Variants in ADAM11 observed in about 807,000 individuals in gnomAD.
ADAM11 encodes disintegrin and metalloproteinase domain-containing protein 11.
A neutral mutation model predicts 119.1 loss-of-function variants in ADAM11; 49 were observed. The observed-to-expected ratio is 0.41, with a 90% CI of 0.33 to 0.52. ADAM11 has a LOEUF of 0.52. ADAM11 is among the 20% of genes least tolerant of loss of function. The probability of loss-of-function intolerance (pLI) is 0.20; values close to 1 mark genes in which losing one functional copy is unlikely to be tolerated. For synonymous variants in ADAM11, 364 were observed against 408.0 expected (o/e 0.89, Z 1.30); for missense variants, 777 against 1,047.5 (o/e 0.74, Z 3.56).
chr17:44,762,638 G>A (rs2049403001), intron 2 of ADAM11, among the ~76,000 whole-genome samples: 1 of 152,152 alleles, frequency 6.6e-6, no homozygotes, highest in Non-Finnish European at 1.5e-5. Context: ...GGCCTGGGGC[G>A]CTGAGCTGCT....
rs142344910 is a variant in ADAM11, at chr17:44,763,269, T to G, written c.237+3372T>G. ...CAGCTCCCAGAGGTGGGGCTGTTAT[T>G]CCCATCTCGCAGATGGAGAAACAGG... On this transcript the variant is annotated intron_variant, in intron 2 of 26. Transcript: ENST00000200557. 8.5e-3 allele frequency among the ~76,000 whole-genome samples: 1,294 copies of G among 152,320 alleles called. 6 individuals carry two copies. The highest frequency in any genetic ancestry group is 0.014 in the Non-Finnish European group (972 of 68,022).
intron 6 of ADAM11, 51 bp downstream of exon 6, chr17:44,771,882 T>C (rs1158112188): frequency 1.3e-6 from 2 of 1,569,466 alleles, no homozygotes; most frequent in Admixed American, 1.8e-5. Flanking sequence ...CTGCCAAGCT[T>C]GTCCCAACAG....
rs2049656086 is a variant in ADAM11 at position 44,779,232 on chromosome 17, C to T, written c.2287C>T (p.Arg763Ter). 2.5e-6 allele frequency: 4 copies of T among 1,584,134 alleles called. No homozygotes were observed. Among genetic ancestry groups the T allele is most frequent in the South Asian group, 1.1e-5 (1 of 87,642 alleles). Residue 763 changes from arginine to a stop codon, truncating the protein, a stop_gained, in exon 26 of 27, where the codon CGA becomes TGA. Transcript: ENST00000200557. LOFTEE classifies it high-confidence loss of function. Reference sequence around the variant, plus strand: ...ATCCTCCCCCTGCAGAAACATTCGCCGAGGAAGGTACGACCCGACCCAGCA... The same window carrying T: ...ATCCTCCCCCTGCAGAAACATTCGCTGAGGAAGGTACGACCCGACCCAGCA... The part of the protein sequence containing the change: ...GTGWGFKNIR[R>*]GRSGGA
rs1174479259 is a variant in ADAM11 at position 44,772,987 on chromosome 17, C to T, written c.754-27C>T. ...ACTGGGAGGCCCCTGAGGAGCCTGG[C>T]CCTCCTCCCATTCTTCTCTCTCCCA... On this transcript the variant is annotated intron_variant, in intron 9 of 26. Transcript: ENST00000200557. This position sits in a 1 kb window ranked among gnomAD's most constrained non-coding sequence, Gnocchi z 4.5. 6.2e-7 allele frequency: 1 copy of T among 1,613,846 alleles called. No homozygotes were observed. The highest frequency in any genetic ancestry group is 8.5e-7 in the Non-Finnish European group (1 of 1,179,812).
rs2049676318 is a variant in ADAM11, at chr17:44,780,358, CAG to C, written c.*605_*606del. The C allele has an allele frequency of 1.7e-5, 6 of 346,258 alleles. No homozygotes were observed. Among genetic ancestry groups the C allele is most frequent in the South Asian group, 1.4e-4 (6 of 44,204 alleles). The allele number at this position is 346,258 out of a possible 1,614,324, so 21.4% of individuals were successfully genotyped here. A position where few individuals can be genotyped will look rare whatever the true frequency, so the allele number is the denominator to read the frequency against. On this transcript the variant is annotated 3_prime_UTR_variant, in exon 27 of 27. Transcript: ENST00000200557. The stretch of plus-strand genomic sequence containing the variant: ...CCGAAGTCCTGTCACTGAGCACAGT[CAG>C]GGGCTGGGCATCCCAGCTTGCCCCC...
chr17:44,764,120 A>C (rs1359904360), intron 2 of ADAM11, among the ~76,000 whole-genome samples: 5 of 152,120 alleles, frequency 3.3e-5, no homozygotes, highest in Admixed American at 3.3e-4. Flanking sequence ...GGACATGGGG[A>C]GGTGACTAGG....
Position 44,774,338 on chromosome 17 carries a change from G to A in ADAM11, c.1036G>A (p.Gly346Arg). Residue 346 changes from glycine (G) to arginine (R), a missense_variant, in exon 12 of 27, where the codon GGG (glycine) becomes AGG (arginine). Physicochemically the swap from Gly to Arg is moderately radical, Grantham distance 125. This residue lies in a region of ADAM11 where 147 missense variants were observed against 223.3 expected (regional missense o/e 0.66). Coordinates refer to ENST00000200557, the MANE Select transcript of ADAM11 (RefSeq NM_002390.6). Reference sequence around the variant, plus strand: ...CACGAGCAGCGGGGCAGCCTACGTGGGGGGCATATGCTCCCTGTCCCACGG... The same window carrying A: ...CACGAGCAGCGGGGCAGCCTACGTGAGGGGCATATGCTCCCTGTCCCACGG... ...QSTSSGAAYV[G>R]GICSLSHGGG... The A allele has an allele frequency of 6.7e-7, 1 of 1,481,814 alleles. No homozygotes were observed. The highest frequency in any genetic ancestry group is 1.4e-5 in the African/African-American group (1 of 71,328). 91.8% of individuals were successfully genotyped at this position (1,481,814 alleles called of 1,614,324 possible). A position where few individuals can be genotyped will look rare whatever the true frequency, so the allele number is the denominator to read the frequency against.
Position 44,759,186 on chromosome 17 carries a change from G to A in ADAM11, c.-14G>A. 2 of 1,355,226 alleles carry A rather than the reference G, an allele frequency of 1.5e-6. No individual in the cohort carries two copies. The highest frequency in any genetic ancestry group is 2.7e-4 in the Middle Eastern group (1 of 3,678). 84.0% of individuals were successfully genotyped at this position (1,355,226 alleles called of 1,614,324 possible). ...GGCAGCCGCAGCCCCCGGACCGGGA[G>A]GAATGAGCGAGCCATGAGGCTGCTG... On this transcript the variant is annotated 5_prime_UTR_variant, in exon 1 of 27. Coordinates refer to ENST00000200557, the MANE Select transcript of ADAM11 (RefSeq NM_002390.6).
chr17:44,776,643 GCC>G lies in ADAM11; in HGVS notation c.1567-98_1567-97del. 7.1e-7 allele frequency: 1 copy of G among 1,408,184 alleles called. No individual in the cohort carries two copies. The highest frequency in any genetic ancestry group is 9.8e-7 in the Non-Finnish European group (1 of 1,025,276). The allele number at this position is 1,408,184 out of a possible 1,614,324, so 87.2% of individuals were successfully genotyped here. On this transcript the variant is annotated intron_variant, in intron 18 of 26. Transcript: ENST00000200557. This position sits in a 1 kb window ranked among gnomAD's most constrained non-coding sequence, Gnocchi z 5.2. ...GGCGTGGAAGAGCCCTGTGGCATGA[GCC>G]CCCAATGGGGGGCACTTGGTACCCC...
chr17:44,778,026 G>A lies in ADAM11; in HGVS notation c.2145G>A (p.Leu715=). ...AAGACTGCAGTATCCATAACCCCCT[G>A]CCCACGTCCCCACCCACGGGGGAGA... ...TGKDCSIHNP[L]PTSPPTGETE... is the part of the protein sequence containing the mutation. Residue 715 remains leucine, a synonymous_variant, in exon 24 of 27, where the codon CTG becomes CTA. Coordinates refer to ENST00000200557, the MANE Select transcript of ADAM11 (RefSeq NM_002390.6). 5.0e-6 allele frequency: 8 copies of A among 1,613,900 alleles called. No homozygotes were observed. The highest frequency in any genetic ancestry group is 6.8e-6 in the Non-Finnish European group (8 of 1,179,924).
chr17:44,779,711 C>T (rs778741806), intron 26 of ADAM11, 28 bp from the exon 27 acceptor site: 432 of 1,588,348 alleles, frequency 2.7e-4, no homozygotes, highest in Non-Finnish European at 3.5e-4. Context: ...TGCTCACGTC[C>T]TCCCCTGATG....
At position 44,777,613 on chromosome 17, in the gene ADAM11, G is replaced by A. The variant is rs769551370; in HGVS notation, c.1901+12G>A. 6.8e-6 allele frequency: 11 copies of A among 1,614,114 alleles called. No individual in the cohort carries two copies. Among genetic ancestry groups the A allele is most frequent in the Non-Finnish European group, 8.5e-6 (10 of 1,180,006 alleles). The stretch of plus-strand genomic sequence containing the variant: ...GAGCTGGACTGCAGGTGCTGGCCAG[G>A]ACCAAGACTAGGGAGGGGAGGTTGC... On this transcript the variant is annotated intron_variant, in intron 22 of 26. Coordinates refer to ENST00000200557, the MANE Select transcript of ADAM11 (RefSeq NM_002390.6). This position sits in a 1 kb window ranked among gnomAD's most constrained non-coding sequence, Gnocchi z 5.1.
Position 44,770,020 on chromosome 17 carries a change from G to C in ADAM11, c.353G>C (p.Ser118Thr), listed in dbSNP as rs149878579. ...TCGCAATACGTGGAGCGCCACTTCA[G>C]CCGGGAGGGGACAACCCAGCACAGC... ...LSSQYVERHFSREGTTQHSTG... is the reference protein window; with the variant it reads ...LSSQYVERHFTREGTTQHSTG... Residue 118 changes from serine (S) to threonine (T), a missense_variant, in exon 4 of 27, where the codon AGC becomes ACC. Ser to Thr is a moderately conservative substitution (Grantham distance 58). Coordinates refer to ENST00000200557, the MANE Select transcript of ADAM11 (RefSeq NM_002390.6). 263 of 1,614,116 alleles carry C rather than the reference G, an allele frequency of 1.6e-4. No homozygotes were observed. In the African/African-American group the frequency reaches 3.0e-3, roughly 18 times the overall value.
Position 44,772,547 on chromosome 17 carries a change from G to C in ADAM11, c.678+81G>C. 1.3e-6 allele frequency: 2 copies of C among 1,486,828 alleles called. No homozygotes were observed. The highest frequency in any genetic ancestry group is 1.8e-6 in the Non-Finnish European group (2 of 1,099,294). The allele number at this position is 1,486,828 out of a possible 1,614,324, so 92.1% of individuals were successfully genotyped here. A position where few individuals can be genotyped will look rare whatever the true frequency, so the allele number is the denominator to read the frequency against. ...TCAGGCCGTGGCCCAGAGCAGGAGG[G>C]CACCCTCATCTATGGCTGGGGCGAA... On this transcript the variant is annotated intron_variant, in intron 8 of 26. Transcript: ENST00000200557. The surrounding 1 kb of genome is among the most constrained non-coding windows in gnomAD (Gnocchi z 4.5).
chr17:44,762,002 T>C (rs964300801), intron 2 of ADAM11, among the ~76,000 whole-genome samples: 43 of 152,128 alleles, frequency 2.8e-4, no homozygotes, highest in African/African-American at 9.2e-4. Flanking sequence ...TTTTGTATTT[T>C]TAGTAGAGAT....
chr17:44,764,389 A>G (rs1399305460), intron 2 of ADAM11, among the ~76,000 whole-genome samples: 2 of 152,190 alleles, frequency 1.3e-5, no homozygotes, highest in Non-Finnish European at 2.9e-5. Flanking sequence ...ATGGTGCCAC[A>G]GGGGGGCCAG....
Position 44,777,594 on chromosome 17 carries a change from G to A in ADAM11, c.1894G>A (p.Asp632Asn). 6.2e-7 allele frequency: 1 copy of A among 1,614,186 alleles called. No individual in the cohort carries two copies. Among genetic ancestry groups the A allele is most frequent in the Admixed American group, 1.7e-5 (1 of 60,026 alleles). The change falls in exon 22 of 27, where the codon GAC becomes AAC. Residue 632 changes from aspartate to asparagine, a missense_variant. Transcript: ENST00000200557. The surrounding 1 kb of genome is among the most constrained non-coding windows in gnomAD (Gnocchi z 5.1). Reference protein sequence around the residue: ...VTFYHQGKELDCRGGHVQLAD... With the variant: ...VTFYHQGKELNCRGGHVQLAD... Reference sequence around the variant, plus strand: ...CTTCTACCACCAGGGCAAGGAGCTGGACTGCAGGTGCTGGCCAGGACCAAG... The same window carrying A: ...CTTCTACCACCAGGGCAAGGAGCTGAACTGCAGGTGCTGGCCAGGACCAAG...
At position 44,778,270 on chromosome 17, in the gene ADAM11, CT is replaced by C. The variant is rs149237311; in HGVS notation, c.2276+29del. The C allele has an allele frequency of 1.1e-3, 1,692 of 1,596,262 alleles. 10 individuals carry two copies. In the African/African-American group the frequency reaches 0.02, roughly 19 times the overall value. ...AAGAGACACACACACCCTGTGCCCC[CT>C]GGCATCCTTGAGGGGGGATCAGAAT... On this transcript the variant is annotated intron_variant, in intron 25 of 26. Transcript: ENST00000200557.
rs199577233 is a variant in ADAM11 at position 44,769,997 on chromosome 17, G to A, written c.330G>A (p.Ser110=). Reference sequence around the variant, plus strand: ...TCTGTCTCAGCCACCTCCTCTCCTCGCAATACGTGGAGCGCCACTTCAGCC... The same window carrying A: ...TCTGTCTCAGCCACCTCCTCTCCTCACAATACGTGGAGCGCCACTTCAGCC... ...DLELNHHLLS[S]QYVERHFSRE... The change falls in exon 4 of 27, where the codon TCG becomes TCA. Residue 110 remains serine, a synonymous_variant. Transcript: ENST00000200557. The A allele has an allele frequency of 5.7e-5, 92 of 1,614,126 alleles. No homozygotes were observed. The highest frequency in any genetic ancestry group is 6.9e-5 in the Non-Finnish European group (82 of 1,180,000).
Sources: allele counts gnomAD v4.1 joint callset (sites outside exome capture counted in the v4.1 genomes callset), GRCh38; gene constraint gnomAD v4.1.1; regional missense constraint gnomAD v4.1.1; non-coding constraint Gnocchi (gnomAD v3.1); transcripts MANE v1.5; gene names NCBI Gene and HGNC (gene_info 2026-07-23, HGNC 2026-07-21).